The following ABCC8 variants were observed in gnomAD, a reference collection of about 807,000 sequenced individuals.
ABCC8 encodes ATP binding cassette subfamily C member 8, also known as ATP-binding cassette sub-family C member 8.
A neutral mutation model predicts 188.0 loss-of-function variants in ABCC8; 137 were observed. The ratio of observed to expected loss-of-function variants is 0.73; its 90% CI spans 0.63 to 0.84. The LOEUF (loss-of-function observed/expected upper bound fraction) is 0.84, where lower values mean the gene tolerates loss of function less well. ABCC8 is among the 40% of genes least tolerant of loss of function. The pLI is 0.00. For missense variants in ABCC8, 1,750 were observed against 2,072.7 expected, an observed-to-expected ratio of 0.84 and a Z score of 3.02; for synonymous variants, 797 against 846.5, an observed-to-expected ratio of 0.94 and a Z score of 1.01.
chr11:17,397,149 C>G, intron 32 of ABCC8, 44 bp downstream of exon 32: 1 of 1,613,400 alleles, frequency 6.2e-7, no homozygotes, highest in South Asian at 1.1e-5. Context: ...CCCAGACACA[C>G]TCCTCCTTGG....
intron 20 of ABCC8, 21 bp from the exon 21 acceptor site, chr11:17,412,767 C>G (rs749043024): frequency 5.0e-6 from 8 of 1,598,614 alleles, no homozygotes; most frequent in Non-Finnish European, 6.8e-6. Context: ...AGAGGAGGAA[C>G]ACATCATGCC....
At chr11:17,457,601 T>G (rs1400819151) in intron 6 of ABCC8, among the ~76,000 whole-genome samples, 3 of 152,138 alleles carry the variant, frequency 2.0e-5, no homozygotes, top group Non-Finnish European at 4.4e-5. Flanking sequence ...GAGTAGGGGT[T>G]GGGTTGGAGA....
intron 10 of ABCC8, among the ~76,000 whole-genome samples, chr11:17,434,865 G>A (rs1171631411): frequency 6.6e-6 from 1 of 152,052 alleles, no homozygotes; most frequent in East Asian, 1.9e-4. Context: ...GCTAAAGAAT[G>A]AAAATGTGAT....
At chr11:17,424,859 C>G (rs1955511822) in intron 16 of ABCC8, among the ~76,000 whole-genome samples, 1 of 152,224 alleles carries the variant, frequency 6.6e-6, no homozygotes, top group African/African-American at 2.4e-5. Context: ...CACCCAACTT[C>G]TCTGAGCCTG....
chr11:17,439,996 T>C (rs2237979), intron 10 of ABCC8, among the ~76,000 whole-genome samples: 54,648 of 152,026 alleles, frequency 0.36, 9,966 homozygotes, highest in Middle Eastern at 0.48. Context: ...ATGCTGTTTA[T>C]ATAAGAAAAC....
rs199592045 is a variant in ABCC8 at position 17,453,272 on chromosome 11, G to A, written c.1023C>T (p.Leu341=). 1.9e-5 allele frequency: 31 copies of A among 1,613,914 alleles called. No individual in the cohort carries two copies. Among genetic ancestry groups the A allele is most frequent in the Middle Eastern group, 1.6e-4 (1 of 6,084 alleles). The stretch of plus-strand genomic sequence containing the variant: ...CTTGGGATGAGACAAAGTAAACCCC[G>A]AGAAATTGTGTCTGTTGGAAAGAGA... ...NDVFQPKTQF[L]GVYFVSSQEF... is the part of the protein sequence containing the mutation. Residue 341 remains leucine (L), a synonymous_variant, in exon 7 of 39, where the codon CTC becomes CTT. Coordinates refer to ENST00000389817, the MANE Select transcript of ABCC8 (RefSeq NM_000352.6).
chr11:17,447,105 G>A (rs942811672), intron 8 of ABCC8, among the ~76,000 whole-genome samples: 1 of 152,204 alleles, frequency 6.6e-6, no homozygotes, highest in Non-Finnish European at 1.5e-5. Flanking sequence ...GGCTCAGAGA[G>A]GTTAAGTATT....
Position 17,430,835 on chromosome 11 carries a change from G to C in ABCC8, c.1796C>G (p.Ser599Cys), listed in dbSNP as rs770671622. ...PLFLLSSVVRSTVKALVSVQK... is the reference protein window; with the variant it reads ...PLFLLSSVVRCTVKALVSVQK... ...TCACCTCACTAGAGCTTTGACGGTAGATCGGACCACACTGGACAGCAGGAA... is the reference window on the plus strand; with the variant it reads ...TCACCTCACTAGAGCTTTGACGGTACATCGGACCACACTGGACAGCAGGAA... Residue 599 changes from serine to cysteine, a missense_variant, in exon 12 of 39, where the codon TCT (serine) becomes TGT (cysteine). Transcript: ENST00000389817. 4 of 1,614,214 alleles carry C rather than the reference G, an allele frequency of 2.5e-6. No individual in the cohort carries two copies. The highest frequency in any genetic ancestry group is 1.1e-5 in the South Asian group (1 of 91,088).
At chr11:17,461,245 C>T (rs1957177374) in intron 5 of ABCC8, 1 of 414,348 alleles carries the variant, frequency 2.4e-6, no homozygotes, top group East Asian at 5.4e-5. Flanking sequence ...ACACTCCAAC[C>T]TTTATAGTCA....
At chr11:17,448,266 T>G in intron 8 of ABCC8, 1 of 505,830 alleles carries the variant, frequency 2.0e-6, no homozygotes, top group Non-Finnish European at 3.6e-6. Flanking sequence ...TTCTATAGTT[T>G]ATAAAGTTGG....
chr11:17,411,420 G>A (rs1244017191), intron 21 of ABCC8, among the ~76,000 whole-genome samples: 1 of 152,234 alleles, frequency 6.6e-6, no homozygotes, highest in Non-Finnish European at 1.5e-5. Context: ...GATCGCGAAT[G>A]CACCCATGCT....
chr11:17,397,993 A>C (rs2133412444), intron 30 of ABCC8, 196 bp from the exon 31 acceptor site: 202 of 661,028 alleles, frequency 3.1e-4, no homozygotes, highest in Non-Finnish European at 3.6e-4. Context: ...CCACAAGCTC[A>C]TGCTCCCCTA....
intron 29 of ABCC8, among the ~76,000 whole-genome samples, chr11:17,400,228 C>A (rs1591724019): frequency 1.3e-5 from 2 of 152,092 alleles, no homozygotes; most frequent in East Asian, 3.9e-4. Flanking sequence ...TACTGCACAC[C>A]CCCAGGGTGG....
intron 6 of ABCC8, among the ~76,000 whole-genome samples, chr11:17,460,225 G>T (rs775502562): frequency 7.2e-5 from 11 of 152,230 alleles, no homozygotes; most frequent in Non-Finnish European, 1.3e-4. Flanking sequence ...TGCAGTTTTC[G>T]GACTGACCTA....
At chr11:17,412,613 G>T (rs1954866252) in intron 21 of ABCC8, 53 bp downstream of exon 21, 1 of 1,580,460 alleles carries the variant, frequency 6.3e-7, no homozygotes, top group South Asian at 1.2e-5. Flanking sequence ...GAGGTGGGCA[G>T]TTAGGCCTGG....
intron 23 of ABCC8, 47 bp downstream of exon 23, chr11:17,408,345 C>A (rs1304873424): frequency 1.3e-6 from 2 of 1,567,464 alleles, no homozygotes; most frequent in Non-Finnish European, 1.7e-6. Context: ...TCTAGCAGAA[C>A]CTTTGCATCC....
intron 16 of ABCC8, among the ~76,000 whole-genome samples, chr11:17,421,082 C>G (rs1037408326): frequency 6.6e-6 from 1 of 152,198 alleles, no homozygotes; most frequent in Non-Finnish European, 1.5e-5. Flanking sequence ...TGTGCCCACC[C>G]TGCAGCTCTG....
chr11:17,396,869 C>T, intron 33 of ABCC8, 47 bp downstream of exon 33: 1 of 1,609,156 alleles, frequency 6.2e-7, no homozygotes, highest in Non-Finnish European at 8.5e-7. Flanking sequence ...TGCCCCATCC[C>T]CTGCTCACGC....
intron 8 of ABCC8, 60 bp downstream of exon 8, chr11:17,448,456 C>G (rs1047831284): frequency 1.3e-5 from 20 of 1,484,626 alleles, no homozygotes; most frequent in Admixed American, 1.0e-4. Context: ...GGCCATGGAC[C>G]AGCAGATTCT....
Sources: allele counts gnomAD v4.1 joint callset (sites outside exome capture counted in the v4.1 genomes callset), GRCh38; gene constraint gnomAD v4.1.1; transcripts MANE v1.5; gene names NCBI Gene and HGNC (gene_info 2026-07-23, HGNC 2026-07-21).